The following BAZ2A variants were observed in gnomAD, a reference collection of about 807,000 sequenced individuals.
BAZ2A encodes the protein bromodomain adjacent to zinc finger domain protein 2A.
In BAZ2A, 34 loss-of-function variants were observed where a neutral mutation model predicts 199.9. The ratio of observed to expected loss-of-function variants is 0.17; its 90% CI spans 0.13 to 0.23. BAZ2A has a LOEUF of 0.23. Among genes scored for constraint, BAZ2A ranks in the 10% least tolerant of loss-of-function variants. BAZ2A has a pLI of 1.00. For synonymous variants in BAZ2A, 857 were observed against 883.9 expected (o/e 0.97, Z 0.54); for missense variants, 2,002 against 2,391.1 (o/e 0.84, Z 3.39).
chr12:56,603,289 T>G (rs1339435448), intron 18 of BAZ2A, 70 bp downstream of exon 18: 1 of 1,505,472 alleles, frequency 6.6e-7, no homozygotes, highest in Non-Finnish European at 9.1e-7. Context: ...AAAATTCAGT[T>G]TAAAAAAGAA....
chr12:56,620,136 A>G (rs1950867319), intron 1 of BAZ2A, among the ~76,000 whole-genome samples: 1 of 152,020 alleles, frequency 6.6e-6, no homozygotes, highest in Admixed American at 6.6e-5. Context: ...GGCCACACAT[A>G]AAATACACTA....
At chr12:56,624,573 T>C (rs191195115) in intron 1 of BAZ2A, among the ~76,000 whole-genome samples, 2 of 146,404 alleles carry the variant, frequency 1.4e-5, no homozygotes, top group African/African-American at 2.6e-5. Context: ...AGCTTACTTA[T>C]CCAATGAAGG....
At position 56,598,858 on chromosome 12, in the gene BAZ2A, A is replaced by T; in HGVS notation, c.5546+10T>A. ...AGCAAAGACCGGGCGGTTCACCCAC[A>T]TCTACTTACCCTCCCCTGAGCAGCC... On this transcript the variant is annotated intron_variant, in intron 28 of 28. Transcript: ENST00000549884. The T allele has an allele frequency of 1.2e-6, 2 of 1,606,860 alleles. No individual in the cohort carries two copies. Among genetic ancestry groups the T allele is most frequent in the Non-Finnish European group, 1.7e-6 (2 of 1,176,598 alleles).
chr12:56,614,968 A>C, intron 3 of BAZ2A, 46 bp downstream of exon 3: 3 of 1,462,164 alleles, frequency 2.1e-6, no homozygotes, highest in Non-Finnish European at 2.8e-6. Context: ...ATCCCCCCCG[A>C]GCTCCATTTT....
rs771421143 is a variant in BAZ2A at position 56,612,189 on chromosome 12, T to G, written c.1193A>C (p.Gln398Pro). The G allele has an allele frequency of 5.6e-6, 9 of 1,613,768 alleles. No individual in the cohort carries two copies. The highest frequency in any genetic ancestry group is 7.6e-6 in the Non-Finnish European group (9 of 1,179,848). ...CAGGGATGGTGGGAAGTCTGAAGAT[T>G]GAGTTTCCATTTCTTCCTGTTCAGC... ...SDAEQEEMETQSSDFPPSLTQ... is the reference protein window; with the variant it reads ...SDAEQEEMETPSSDFPPSLTQ... The change falls in exon 6 of 29, where the codon CAA (glutamine) becomes CCA (proline). Residue 398 changes from glutamine (Q) to proline (P), a missense_variant. Transcript: ENST00000549884.
At chr12:56,636,077 C>T in intron 1 of BAZ2A, 1 of 1,368,576 alleles carries the variant, frequency 7.3e-7, no homozygotes, top group Non-Finnish European at 1.0e-6. Flanking sequence ...GTTTCCTCTC[C>T]TTCAGCCCCC....
chr12:56,596,833 A>AAAT lies in BAZ2A; in HGVS notation c.*1782_*1784dup, dbSNP rs1296184147. ...TATCTGACAGAAAAGGCGACTTTAG[A>AAAT]AATAGGCTATGAGGGAGAAGGGGCA... On this transcript the variant is annotated 3_prime_UTR_variant, in exon 29 of 29. Coordinates refer to ENST00000549884, the MANE Select transcript of BAZ2A (RefSeq NM_001300905.2). 1.3e-5 allele frequency: 2 copies of AAAT among 152,424 alleles called. No homozygotes were observed. Among genetic ancestry groups the AAAT allele is most frequent in the African/African-American group, 4.8e-5 (2 of 41,446 alleles). 9.4% of individuals were successfully genotyped at this position (152,424 alleles called of 1,614,324 possible).
intron 3 of BAZ2A, 130 bp downstream of exon 3, chr12:56,614,883 TA>T: frequency 1.0e-6 from 1 of 981,712 alleles, no homozygotes; most frequent in Non-Finnish European, 1.5e-6. Flanking sequence ...TGCTAATTGC[TA>T]ATCACCAACA....
chr12:56,606,554 A>C (rs1950361887), intron 11 of BAZ2A, 79 bp downstream of exon 11: 4 of 1,389,240 alleles, frequency 2.9e-6, no homozygotes, highest in Non-Finnish European at 2.0e-6. Flanking sequence ...GGAGTGACGG[A>C]TGTGGGAAAT....
chr12:56,615,050 A>T lies in BAZ2A; in HGVS notation c.694T>A (p.Leu232Met). The change falls in exon 3 of 29, where the codon TTG becomes ATG. Residue 232 changes from leucine to methionine, a missense_variant. Coordinates refer to ENST00000549884, the MANE Select transcript of BAZ2A (RefSeq NM_001300905.2). ...TSVVAENGTGLVGSLELEEEQ... is the reference protein window; with the variant it reads ...TSVVAENGTGMVGSLELEEEQ... ...TCTTCCAGCTCCAAGCTGCCTACCA[A>T]GCCAGTGCCATTCTCTGCCACAACT... is the stretch of plus-strand genomic sequence containing the variant. 1.9e-6 allele frequency: 3 copies of T among 1,613,478 alleles called. No homozygotes were observed. The highest frequency in any genetic ancestry group is 2.5e-6 in the Non-Finnish European group (3 of 1,179,764).
intron 3 of BAZ2A, 98 bp from the exon 4 acceptor site, chr12:56,614,236 T>C (rs760709802): frequency 7.7e-5 from 97 of 1,254,760 alleles, no homozygotes; most frequent in South Asian, 9.4e-5. Context: ...AGGATGTTCA[T>C]TCATTCAACA....
intron 5 of BAZ2A, 28 bp from the exon 6 acceptor site, chr12:56,612,274 T>TA: frequency 1.3e-6 from 2 of 1,558,624 alleles, no homozygotes; most frequent in Non-Finnish European, 1.7e-6. Context: ...AGGATAGGCT[T>TA]TAAAAAAAAA....
Position 56,599,739 on chromosome 12 carries a change from G to A in BAZ2A, c.5135C>T (p.Pro1712Leu). ...YCHRPKMEAV[P>L]EGDWFCTVCL... Reference sequence around the variant, plus strand: ...GACAGTACAGAACCAATCTCCTTCTGGGACAGCCTCCATCTTGGGACGATG... The same window carrying A: ...GACAGTACAGAACCAATCTCCTTCTAGGACAGCCTCCATCTTGGGACGATG... The change falls in exon 26 of 29, where the codon CCA becomes CTA. Residue 1712 changes from proline (P) to leucine (L), a missense_variant. Pro to Leu is a moderately conservative substitution (Grantham distance 98). Around this residue, in one of 6 missense-constraint regions of BAZ2A, gnomAD observed 122 missense variants for 123.0 expected, o/e 0.99. Transcript: ENST00000549884. 1 of 1,613,954 alleles carries A rather than the reference G, an allele frequency of 6.2e-7. No homozygotes were observed. Among genetic ancestry groups the A allele is most frequent in the Non-Finnish European group, 8.5e-7 (1 of 1,179,888 alleles).
chr12:56,628,177 C>CAAAAAAAAAAAAAAAAAAAAAAAAAAAAA (rs57372528), intron 1 of BAZ2A, among the ~76,000 whole-genome samples: 2 of 28,368 alleles, frequency 7.1e-5, no homozygotes, highest in Admixed American at 4.2e-4. Context: ...AACTCCGTCT[C>CAAAAAAAAAAAAAAAAAAAAAAAAAAAAA]AAAAAAAAAA....
intron 11 of BAZ2A, 116 bp from the exon 12 acceptor site, chr12:56,606,428 G>T: frequency 7.7e-7 from 1 of 1,291,786 alleles, no homozygotes; most frequent in Non-Finnish European, 1.1e-6. Context: ...GGAATGAGGG[G>T]TTGGCAATGG....
At chr12:56,606,787 G>A (rs1950370299) in intron 10 of BAZ2A, 54 bp from the exon 11 acceptor site, 1 of 1,440,016 alleles carries the variant, frequency 6.9e-7, no homozygotes. Context: ...CAGTTCTCTA[G>A]CATCCAGGGC....
intron 1 of BAZ2A, among the ~76,000 whole-genome samples, chr12:56,625,753 G>A (rs905952109): frequency 1.2e-4 from 18 of 151,348 alleles, no homozygotes; most frequent in Non-Finnish European, 2.1e-4. Context: ...GCGCGCGCCT[G>A]TAGTCCCAGC....
chr12:56,611,305 G>T (rs1950550848), intron 7 of BAZ2A: 2 of 545,568 alleles, frequency 3.7e-6, no homozygotes, highest in Non-Finnish European at 6.5e-6. Flanking sequence ...CTAGGGTTTG[G>T]AAAAGATAAT....
intron 1 of BAZ2A, among the ~76,000 whole-genome samples, chr12:56,622,300 A>G (rs1307950925): frequency 6.6e-6 from 1 of 152,066 alleles, no homozygotes; most frequent in Non-Finnish European, 1.5e-5. Context: ...AGATCGCACC[A>G]TTGCACTCTA....
Sources: allele counts gnomAD v4.1 joint callset (sites outside exome capture counted in the v4.1 genomes callset), GRCh38; gene constraint gnomAD v4.1.1; regional missense constraint gnomAD v4.1.1; transcripts MANE v1.5; gene names NCBI Gene and HGNC (gene_info 2026-07-23, HGNC 2026-07-21).